Variants in B3GLCT observed in about 807,000 individuals in gnomAD.
B3GLCT encodes the protein beta-1,3-glucosyltransferase.
Under a neutral mutation model 63.4 loss-of-function variants are expected in B3GLCT, and 65 were observed. That is an observed-to-expected ratio of 1.03 (90% CI 0.84 to 1.26). The LOEUF is 1.26. Among genes scored for constraint, B3GLCT ranks in the 50% most tolerant of loss-of-function variants. B3GLCT has a pLI of 0.00. For missense variants in B3GLCT, 577 were observed against 604.8 expected (o/e 0.95, Z 0.48); for synonymous variants, 233 against 219.2 (o/e 1.06, Z -0.55).
At chr13:31,276,866 G>A in intron 10 of B3GLCT, 95 bp downstream of exon 10, 2 of 917,240 alleles carry the variant, frequency 2.2e-6, no homozygotes, top group East Asian at 2.4e-5. Context: ...ATTCAGAAAA[G>A]GGATAATGAC....
At position 31,290,923 on chromosome 13, in the gene B3GLCT, G is replaced by A. The variant is rs138463881; in HGVS notation, c.1064+4104G>A. On this transcript the variant is annotated intron_variant, in intron 12 of 14. Coordinates refer to ENST00000343307, the MANE Select transcript of B3GLCT (RefSeq NM_194318.4). The stretch of plus-strand genomic sequence containing the variant: ...CCGTTGCCTTTGAGGTTTTAGTCAC[G>A]AAGTCTTTGCCCATGCCTATGTCCT... 1.2e-3 allele frequency among the ~76,000 whole-genome samples: 187 copies of A among 152,280 alleles called. 1 individual carries two copies. Among genetic ancestry groups the A allele is most frequent in the African/African-American group, 4.2e-3 (176 of 41,558 alleles).
chr13:31,202,281 C>T (rs9805764), intron 1 of B3GLCT, among the ~76,000 whole-genome samples: 44,699 of 152,080 alleles, frequency 0.29, 6,856 homozygotes, highest in East Asian at 0.46. Context: ...TATACAGACA[C>T]GGTTCACTGC....
At chr13:31,311,255 C>A (rs1874690387) in intron 12 of B3GLCT, 3 of 152,222 alleles carry the variant, frequency 2.0e-5, no homozygotes, top group Admixed American at 6.5e-5. Flanking sequence ...CACAGCCAAA[C>A]CATATCAATA....
intron 4 of B3GLCT, among the ~76,000 whole-genome samples, chr13:31,244,761 G>C (rs1338988079): frequency 1.3e-5 from 2 of 152,086 alleles, no homozygotes; most frequent in East Asian, 3.9e-4. Context: ...GTATATATGT[G>C]TGTATATGTA....
intron 8 of B3GLCT, among the ~76,000 whole-genome samples, chr13:31,272,333 G>A (rs1054486917): frequency 6.6e-6 from 1 of 150,848 alleles, no homozygotes; most frequent in Non-Finnish European, 1.5e-5. Context: ...CGCTGCCTTA[G>A]CCCCCTGATT....
At chr13:31,264,820 T>G (rs1302272454) in intron 7 of B3GLCT, among the ~76,000 whole-genome samples, 1 of 152,210 alleles carries the variant, frequency 6.6e-6, no homozygotes, top group African/African-American at 2.4e-5. Flanking sequence ...TATTATTAGC[T>G]ATATCAATTA....
chr13:31,317,811 T>G, intron 13 of B3GLCT, 126 bp downstream of exon 13: 1 of 1,162,240 alleles, frequency 8.6e-7, no homozygotes, highest in Non-Finnish European at 1.3e-6. Flanking sequence ...GTTGTTACTA[T>G]AATAGGAAAG....
intron 4 of B3GLCT, among the ~76,000 whole-genome samples, chr13:31,231,533 A>G (rs190808267): frequency 8.5e-5 from 13 of 152,188 alleles, no homozygotes; most frequent in East Asian, 5.8e-4. Context: ...ATATGCCCCT[A>G]TACTTCCTCT....
intron 9 of B3GLCT, 84 bp from the exon 10 acceptor site, chr13:31,276,618 A>G: frequency 1.2e-6 from 1 of 864,530 alleles, no homozygotes; most frequent in Non-Finnish European, 2.0e-6. Flanking sequence ...GTTAATTTGA[A>G]CTCTAGAGCG....
intron 13 of B3GLCT, among the ~76,000 whole-genome samples, chr13:31,320,216 AGAGTGTGAACCTT>A (rs1260811920): frequency 2.6e-5 from 4 of 152,156 alleles, no homozygotes; most frequent in Non-Finnish European, 5.9e-5. Flanking sequence ...CTTTTCTCCA[AGAGTGTGAACCTT>A]TTTCTACTTT....
chr13:31,236,987 G>T (rs770178395), intron 4 of B3GLCT, among the ~76,000 whole-genome samples: 1 of 151,990 alleles, frequency 6.6e-6, no homozygotes, highest in South Asian at 2.1e-4. Flanking sequence ...TTAGCCGGTC[G>T]TGGTGGCCAG....
At chr13:31,302,377 G>A (rs562320337) in intron 12 of B3GLCT, among the ~76,000 whole-genome samples, 7 of 151,624 alleles carry the variant, frequency 4.6e-5, no homozygotes, top group South Asian at 2.1e-4. Context: ...CGTGAGCGAC[G>A]CAGAAGACGG....
At chr13:31,287,669 G>GAA (rs78127082) in intron 12 of B3GLCT, among the ~76,000 whole-genome samples, 2 of 151,606 alleles carry the variant, frequency 1.3e-5, no homozygotes, top group African/African-American at 4.8e-5. Context: ...ATACAGAAGT[G>GAA]AAAAAAAATT....
intron 4 of B3GLCT, among the ~76,000 whole-genome samples, chr13:31,238,972 G>A (rs1870794806): frequency 6.6e-6 from 1 of 152,232 alleles, no homozygotes; most frequent in Non-Finnish European, 1.5e-5. Context: ...CCTGAGAGGA[G>A]AAGGCGGGAA....
intron 1 of B3GLCT, 90 bp from the exon 2 acceptor site, chr13:31,214,961 T>G: frequency 7.8e-7 from 1 of 1,286,294 alleles, no homozygotes; most frequent in Non-Finnish European, 1.1e-6. Context: ...TAAAGTATCT[T>G]TTTTTATTAT....
At chr13:31,249,278 T>A (rs915984152) in intron 6 of B3GLCT, among the ~76,000 whole-genome samples, 4 of 152,250 alleles carry the variant, frequency 2.6e-5, no homozygotes, top group Admixed American at 6.5e-5. Context: ...TGATTTTTCT[T>A]CATGCTTTTA....
chr13:31,275,194 C>T lies in B3GLCT; in HGVS notation c.780+566C>T, dbSNP rs905871444. On this transcript the variant is annotated intron_variant, in intron 9 of 14. Transcript: ENST00000343307. ...ACTAAAAAGAAAATCAACATTTTCC[C>T]TGTGCCAAGTAAGAACTATATATCA... 8.5e-5 allele frequency among the ~76,000 whole-genome samples: 13 copies of T among 152,338 alleles called. No individual in the cohort carries two copies. In the South Asian group the frequency reaches 2.1e-3, roughly 24 times the overall value.
In B3GLCT at chr13:31,278,845, A is replaced by G. The variant is rs115541309; in HGVS notation, c.850+2074A>G. On this transcript the variant is annotated intron_variant, in intron 10 of 14. Coordinates refer to ENST00000343307, the MANE Select transcript of B3GLCT (RefSeq NM_194318.4). The stretch of plus-strand genomic sequence containing the variant: ...CACATATGTTCTATTACCTAGTTTC[A>G]TGTTGACACTTCCTCGTGATATGAT... Among the ~76,000 whole-genome samples the G allele has an allele frequency of 3.6e-3, 544 of 152,254 alleles. 3 individuals are homozygous for G. The highest frequency in any genetic ancestry group is 0.013 in the African/African-American group (522 of 41,550).
In B3GLCT at chr13:31,266,596, G is replaced by GT. The variant is rs1243916547; in HGVS notation, c.597-2617dup. Among the ~76,000 whole-genome samples the GT allele has an allele frequency of 2.6e-5, 4 of 152,240 alleles. No individual in the cohort carries two copies. In the South Asian group the frequency reaches 8.3e-4, roughly 32 times the overall value. On this transcript the variant is annotated intron_variant, in intron 7 of 14. Transcript: ENST00000343307. ...CTTAGAACTTGAACTTGTTTGCAAG[G>GT]TGACTGGATGACTGACATAGGCCTG...
Sources: gnomAD v4.1 joint callset for allele counts (sites outside exome capture counted in the v4.1 genomes callset) on GRCh38, gnomAD v4.1.1 for gene constraint, MANE v1.5 for transcripts, NCBI Gene and HGNC (gene_info 2026-07-23, HGNC 2026-07-21) for gene names.